CGNL1: variants seen among roughly 807,000 people sequenced by gnomAD.
CGNL1 encodes cingulin like 1, also known as cingulin-like protein 1.
Under a neutral mutation model 141.2 loss-of-function variants are expected in CGNL1, and 132 were observed. The observed-to-expected ratio is 0.93, with a 90% CI of 0.81 to 1.08. CGNL1 has a LOEUF of 1.08. CGNL1 is among the 50% of genes least tolerant of loss of function. CGNL1 has a pLI of 0.00. For missense variants in CGNL1, 1,870 were observed against 1,588.6 expected, an observed-to-expected ratio of 1.18 and a Z score of -3.01; for synonymous variants, 690 against 622.1, an observed-to-expected ratio of 1.11 and a Z score of -1.63.
chr15:57,378,750 A>C (rs2062394351), intron 1 of CGNL1, among the ~76,000 whole-genome samples: 6 of 152,146 alleles, frequency 3.9e-5, no homozygotes, highest in Admixed American at 3.9e-4. Flanking sequence ...GAACATTTAC[A>C]TTCATTTCTA....
chr15:57,452,743 G>A (rs192463177), intron 6 of CGNL1, among the ~76,000 whole-genome samples: 1 of 152,174 alleles, frequency 6.6e-6, no homozygotes, highest in Non-Finnish European at 1.5e-5. Context: ...GAGAAGGAAA[G>A]TTAGGTCCAA....
chr15:57,533,804 G>A (rs1309614699), intron 14 of CGNL1, among the ~76,000 whole-genome samples: 1 of 152,190 alleles, frequency 6.6e-6, no homozygotes, highest in East Asian at 1.9e-4. Context: ...ATGTGGTCAA[G>A]GCTAAAAATA....
chr15:57,413,835 A>G (rs901639540), intron 1 of CGNL1, among the ~76,000 whole-genome samples: 1 of 152,102 alleles, frequency 6.6e-6, no homozygotes, highest in African/African-American at 2.4e-5. Flanking sequence ...CCACAGGGCA[A>G]CTGCTTGGCC....
At chr15:57,426,299 T>C (rs2062972954) in intron 1 of CGNL1, among the ~76,000 whole-genome samples, 2 of 152,006 alleles carry the variant, frequency 1.3e-5, no homozygotes, top group Non-Finnish European at 2.9e-5. Context: ...TGCACACTGC[T>C]ATGCCTGGCT....
intron 8 of CGNL1, among the ~76,000 whole-genome samples, chr15:57,515,100 T>C (rs1243364678): frequency 6.6e-6 from 1 of 152,246 alleles, no homozygotes; most frequent in Non-Finnish European, 1.5e-5. Context: ...CTTTAGATCC[T>C]TCCTCAAGTT....
chr15:57,388,487 G>T (rs562630049), intron 1 of CGNL1, among the ~76,000 whole-genome samples: 2 of 152,290 alleles, frequency 1.3e-5, no homozygotes, highest in African/African-American at 4.8e-5. Flanking sequence ...TCCCTCCGGG[G>T]TTCTGTTCTA....
At chr15:57,399,083 T>C (rs1448239906) in intron 1 of CGNL1, among the ~76,000 whole-genome samples, 1 of 152,182 alleles carries the variant, frequency 6.6e-6, no homozygotes, top group Non-Finnish European at 1.5e-5. Flanking sequence ...TTATGATATA[T>C]ATAAAGTGCT....
In CGNL1 at chr15:57,438,574, T is replaced by C; in HGVS notation, c.575T>C (p.Phe192Ser). The C allele has an allele frequency of 6.2e-7, 1 of 1,613,678 alleles. No homozygotes were observed. Among genetic ancestry groups the C allele is most frequent in the Non-Finnish European group, 8.5e-7 (1 of 1,180,024 alleles). Residue 192 changes from phenylalanine to serine, a missense_variant, in exon 2 of 19, where the codon TTT becomes TCT. Coordinates refer to ENST00000281282, the MANE Select transcript of CGNL1 (RefSeq NM_032866.5). The part of the protein sequence containing the change: ...GINNKKPWTC[F>S]PKPSNSQPTS... The stretch of plus-strand genomic sequence containing the variant: ...AACAATAAGAAGCCTTGGACTTGCT[T>C]TCCCAAACCTAGCAATTCCCAGCCT...
intron 12 of CGNL1, 27 bp downstream of exon 12, chr15:57,524,778 C>T: frequency 6.2e-7 from 1 of 1,608,382 alleles, no homozygotes; most frequent in Admixed American, 1.7e-5. Flanking sequence ...TAAGTTCTTC[C>T]TTTATCCCTT....
chr15:57,482,422 A>T (rs2942035), intron 8 of CGNL1, among the ~76,000 whole-genome samples: 1 of 152,122 alleles, frequency 6.6e-6, no homozygotes, highest in Non-Finnish European at 1.5e-5. Context: ...TTAGTTTTGC[A>T]TTTTACATTT....
intron 7 of CGNL1, among the ~76,000 whole-genome samples, chr15:57,456,673 G>T (rs551317156): frequency 8.3e-4 from 126 of 151,836 alleles, no homozygotes; most frequent in African/African-American, 2.7e-3. Context: ...TATAGAACAG[G>T]TTTCCACCAC....
At chr15:57,398,200 G>T (rs1300117207) in intron 1 of CGNL1, 1 of 152,160 alleles carries the variant, frequency 6.6e-6, no homozygotes, top group Non-Finnish European at 1.5e-5. Flanking sequence ...AAACTTTTCA[G>T]TTCTACCATG....
chr15:57,439,197 A>G lies in CGNL1; in HGVS notation c.1198A>G (p.Asn400Asp), dbSNP rs1448219140. The G allele has an allele frequency of 6.2e-7, 1 of 1,614,140 alleles. No individual in the cohort carries two copies. Among genetic ancestry groups the G allele is most frequent in the Admixed American group, 1.7e-5 (1 of 60,030 alleles). ...DSAFPFGLQGNSEYLIEFSRN... is the reference protein window; with the variant it reads ...DSAFPFGLQGDSEYLIEFSRN... Reference sequence around the variant, plus strand: ...CGCCTTTCCTTTTGGCCTCCAAGGGAACTCGGAGTACCTGATTGAATTCAG... The same window carrying G: ...CGCCTTTCCTTTTGGCCTCCAAGGGGACTCGGAGTACCTGATTGAATTCAG... The change falls in exon 2 of 19, where the codon AAC (asparagine) becomes GAC (aspartate). Residue 400 changes from asparagine to aspartate, a missense_variant. By Grantham distance (23) the Asn-to-Asp change is conservative. Transcript: ENST00000281282.
chr15:57,434,816 G>C (rs901107887), intron 1 of CGNL1, among the ~76,000 whole-genome samples: 6 of 152,112 alleles, frequency 3.9e-5, no homozygotes, highest in Non-Finnish European at 8.8e-5. Context: ...ATAGAATAAA[G>C]ACATTTTTCA....
rs768576748 is a variant in CGNL1 at position 57,461,773 on chromosome 15, G to A, written c.2284G>A (p.Ala762Thr). The A allele has an allele frequency of 2.9e-5, 47 of 1,614,134 alleles. No homozygotes were observed. The highest frequency in any genetic ancestry group is 5.0e-5 in the Admixed American group (3 of 60,022). ...LLRKRERELT[A>T]LKGALKEEVS... ...GAGAAAGCGAGAGCGTGAACTCACC[G>A]CCCTGAAGGGAGCCCTGAAAGAAGA... is the stretch of plus-strand genomic sequence containing the variant. The change falls in exon 8 of 19, where the codon GCC becomes ACC. Residue 762 changes from alanine to threonine, a missense_variant. By Grantham distance (58) the Ala-to-Thr change is moderately conservative (BLOSUM62 0). Coordinates refer to ENST00000281282, the MANE Select transcript of CGNL1 (RefSeq NM_032866.5).
chr15:57,469,560 GA>G (rs1377321141), intron 8 of CGNL1, among the ~76,000 whole-genome samples: 3 of 151,982 alleles, frequency 2.0e-5, no homozygotes, highest in Admixed American at 6.6e-5. Context: ...GTTTCTAAAA[GA>G]AGGCTATTTT....
chr15:57,450,458 G>A lies in CGNL1; in HGVS notation c.1804-1042G>A, dbSNP rs184617703. Among the ~76,000 whole-genome samples the A allele has an allele frequency of 2.6e-3, 403 of 152,226 alleles. 4 individuals carry two copies. The highest frequency in any genetic ancestry group is 4.6e-3 in the Non-Finnish European group (315 of 68,026). On this transcript the variant is annotated intron_variant, in intron 4 of 18. Transcript: ENST00000281282. ...CGCCCGGCTAATTTTTGTATTTTTA[G>A]CAGAGATGGGGTTTCACCACGTTGG...
intron 10 of CGNL1, among the ~76,000 whole-genome samples, chr15:57,521,413 T>G (rs2031246770): frequency 6.6e-6 from 1 of 152,166 alleles, no homozygotes. Context: ...CATCCTTGCT[T>G]GGTGATTCTA....
chr15:57,543,872 C>A, intron 15 of CGNL1, 93 bp downstream of exon 15: 1 of 905,866 alleles, frequency 1.1e-6, no homozygotes, highest in Non-Finnish European at 1.7e-6. Context: ...GGAGGTCCCT[C>A]CTTTACTTGG....
Sources: allele counts gnomAD v4.1 joint callset (sites outside exome capture counted in the v4.1 genomes callset), GRCh38; gene constraint gnomAD v4.1.1; transcripts MANE v1.5; gene names NCBI Gene and HGNC (gene_info 2026-07-23, HGNC 2026-07-21).